PIK3C2G: variants seen among roughly 807,000 people sequenced by gnomAD.
The protein encoded by PIK3C2G is phosphatidylinositol 3-kinase C2 domain-containing subunit gamma.
In PIK3C2G, 168 loss-of-function variants were observed where a neutral mutation model predicts 181.1. That is an observed-to-expected ratio of 0.93 (90% confidence interval 0.82 to 1.05). The LOEUF (loss-of-function observed/expected upper bound fraction) is 1.05. PIK3C2G is among the 50% of genes least tolerant of loss of function. The pLI is 0.00. For missense variants in PIK3C2G, 1,869 were observed against 1,732.8 expected (o/e 1.08, Z -1.40); for synonymous variants, 573 against 592.2 (o/e 0.97, Z 0.47).
chr12:18,677,307 G>A, the PIK3C2G span, among the ~76,000 whole-genome samples: 1 of 152,116 alleles, frequency 6.6e-6, no homozygotes, highest in Non-Finnish European at 1.5e-5. Context: ...AGAAAGCTAA[G>A]CCAGGCACAC....
intron 25 of PIK3C2G, among the ~76,000 whole-genome samples, chr12:18,545,580 G>C (rs1944381372): frequency 6.6e-6 from 1 of 151,410 alleles, no homozygotes; most frequent in African/African-American, 2.4e-5. Context: ...GTAGTCTAAA[G>C]AGATTATAAT....
Position 18,421,035 on chromosome 12 carries a change from G to A in PIK3C2G, c.2409+1G>A, listed in dbSNP as rs772204655. On this transcript the variant is annotated splice_donor_variant, in intron 17 of 32. Coordinates refer to ENST00000538779, the MANE Select transcript of PIK3C2G (RefSeq NM_001288772.2). LOFTEE classifies it high-confidence loss of function. ...GGAATATCTCCCACAGCTAGTTCAG[G>A]TAAGAATAGAAGAGTTGCTAAGGAA... is the stretch of plus-strand genomic sequence containing the variant. 14 of 1,535,820 alleles carry A rather than the reference G, an allele frequency of 9.1e-6. No homozygotes were observed. Among genetic ancestry groups the A allele is most frequent in the Non-Finnish European group, 1.3e-5 (14 of 1,109,434 alleles).
At chr12:18,304,329 T>C (rs1422706769) in intron 5 of PIK3C2G, among the ~76,000 whole-genome samples, 1 of 152,152 alleles carries the variant, frequency 6.6e-6, no homozygotes, top group Non-Finnish European at 1.5e-5. Context: ...CAATCTCGTC[T>C]CACTGCAACC....
At chr12:18,412,671 CTGAATT>C (rs1348122440) in intron 16 of PIK3C2G, among the ~76,000 whole-genome samples, 1 of 152,036 alleles carries the variant, frequency 6.6e-6, no homozygotes, top group African/African-American at 2.4e-5. Flanking sequence ...CTTAAATGTC[CTGAATT>C]TATTTCTAAT....
At chr12:18,530,195 CAG>C (rs747323994) in intron 24 of PIK3C2G, among the ~76,000 whole-genome samples, 151 of 152,202 alleles carry the variant, frequency 9.9e-4, no homozygotes, top group Non-Finnish European at 2.0e-3. Flanking sequence ...ATCATCAGAA[CAG>C]AGTCTACTTT....
intron 18 of PIK3C2G, among the ~76,000 whole-genome samples, chr12:18,437,770 C>G (rs1288091945): frequency 6.6e-6 from 1 of 151,790 alleles, no homozygotes; most frequent in Non-Finnish European, 1.5e-5. Context: ...ATTGATGATG[C>G]TGAAAATTAC....
At chr12:18,252,147 G>T (rs1435308097) in intron 1 of PIK3C2G, among the ~76,000 whole-genome samples, 4 of 152,052 alleles carry the variant, frequency 2.6e-5, no homozygotes, top group African/African-American at 9.7e-5. Context: ...ATAGAAAAAG[G>T]TTATTACAAT....
At chr12:18,681,186 T>C in the PIK3C2G span, among the ~76,000 whole-genome samples, 1 of 151,936 alleles carries the variant, frequency 6.6e-6, no homozygotes, top group South Asian at 2.1e-4. Context: ...CTAGCAACAC[T>C]AAAGTCTGGC....
At chr12:18,279,806 T>C (rs1949135448) in intron 1 of PIK3C2G, among the ~76,000 whole-genome samples, 1 of 151,952 alleles carries the variant, frequency 6.6e-6, no homozygotes, top group African/African-American at 2.4e-5. Context: ...AAATAATATT[T>C]TGAGATTCAT....
chr12:18,505,078 T>A (rs1941733239), intron 23 of PIK3C2G, among the ~76,000 whole-genome samples: 1 of 152,210 alleles, frequency 6.6e-6, no homozygotes, highest in Non-Finnish European at 1.5e-5. Context: ...AGTGAAAACA[T>A]TCATCTATTA....
At chr12:18,572,048 C>T (rs959719164) in intron 29 of PIK3C2G, among the ~76,000 whole-genome samples, 1 of 145,996 alleles carries the variant, frequency 6.8e-6, no homozygotes, top group Admixed American at 6.7e-5. Context: ...GTGTCTTTGA[C>T]TTATTTAAGT....
chr12:18,611,687 T>C (rs1225704544), intron 31 of PIK3C2G, among the ~76,000 whole-genome samples: 1 of 152,032 alleles, frequency 6.6e-6, no homozygotes, highest in Non-Finnish European at 1.5e-5. Flanking sequence ...AGCACCTTCA[T>C]TCTCTAGTTA....
At chr12:18,463,044 T>A (rs1341892432) in intron 18 of PIK3C2G, among the ~76,000 whole-genome samples, 2 of 152,176 alleles carry the variant, frequency 1.3e-5, no homozygotes, top group African/African-American at 2.4e-5. Context: ...TTTCTATAAA[T>A]CATGGGATAA....
chr12:18,337,131 C>T (rs954976452), intron 8 of PIK3C2G, among the ~76,000 whole-genome samples: 1 of 151,916 alleles, frequency 6.6e-6, no homozygotes, highest in African/African-American at 2.4e-5. Flanking sequence ...TGAAAAACCA[C>T]AATTGTTAAC....
At chr12:18,379,879 C>T (rs547353648) in intron 13 of PIK3C2G, among the ~76,000 whole-genome samples, 1 of 152,294 alleles carries the variant, frequency 6.6e-6, no homozygotes, top group Non-Finnish European at 1.5e-5. Flanking sequence ...ACCAGGGAAA[C>T]TCTGGAAACT....
At chr12:18,298,848 CT>C (rs1186627284) in intron 5 of PIK3C2G, among the ~76,000 whole-genome samples, 2 of 151,776 alleles carry the variant, frequency 1.3e-5, no homozygotes, top group Non-Finnish European at 3.0e-5. Context: ...TCAAAAATCA[CT>C]AGGCTATAAA....
At chr12:18,334,736 G>A (rs1312839269) in intron 8 of PIK3C2G, among the ~76,000 whole-genome samples, 1 of 151,964 alleles carries the variant, frequency 6.6e-6, no homozygotes, top group South Asian at 2.1e-4. Flanking sequence ...TTGAAATAGG[G>A]TGCTCACCCT....
intron 30 of PIK3C2G, among the ~76,000 whole-genome samples, chr12:18,598,741 C>G (rs1423191900): frequency 2.7e-5 from 4 of 147,854 alleles, no homozygotes; most frequent in South Asian, 2.2e-4. Context: ...ATTTTCGCAA[C>G]CTACTCATCT....
Position 18,609,591 on chromosome 12 carries a change from G to A in PIK3C2G, c.4144G>A (p.Val1382Met). Residue 1382 changes from valine to methionine, a missense_variant, in exon 31 of 33, where the codon GTG (valine) becomes ATG (methionine). Val to Met is a conservative substitution (Grantham distance 21). Transcript: ENST00000538779. ...KVQLVISYED[V>M]KLTILVKHMK... ...GCAGTTAGTCATATCCTACGAGGAT[G>A]TGAAGCTGACCATACTAGTGAAACA... The A allele has an allele frequency of 6.3e-7, 1 of 1,586,914 alleles. No individual in the cohort carries two copies. Among genetic ancestry groups the A allele is most frequent in the Non-Finnish European group, 8.6e-7 (1 of 1,164,658 alleles).
Sources: gnomAD v4.1 joint callset for allele counts (sites outside exome capture counted in the v4.1 genomes callset) on GRCh38, gnomAD v4.1.1 for gene constraint, MANE v1.5 for transcripts, NCBI Gene and HGNC (gene_info 2026-07-23, HGNC 2026-07-21) for gene names.